MEGF10: variants seen among roughly 807,000 people sequenced by gnomAD.
MEGF10 encodes multiple epidermal growth factor-like domains protein 10.
Under a neutral mutation model 147.5 loss-of-function variants are expected in MEGF10, and 86 were observed. The ratio of observed to expected loss-of-function variants is 0.58; its 90% CI spans 0.49 to 0.70. The LOEUF (loss-of-function observed/expected upper bound fraction) is 0.70, where lower values mean the gene tolerates loss of function less well. MEGF10 is among the 30% of genes least tolerant of loss of function. MEGF10 has a pLI of 0.00. For missense variants in MEGF10, 1,329 were observed against 1,487.3 expected (o/e 0.89, Z 1.75); for synonymous variants, 478 against 525.5 (o/e 0.91, Z 1.24).
chr5:127,370,772 C>T (rs138169909), intron 5 of MEGF10, among the ~76,000 whole-genome samples: 461 of 152,286 alleles, frequency 3.0e-3, no homozygotes, highest in Admixed American at 5.0e-3. Context: ...TTGCTGTACA[C>T]GTAATTGCAT....
At chr5:127,283,975 C>T in the MEGF10 span, among the ~76,000 whole-genome samples, 1 of 152,156 alleles carries the variant, frequency 6.6e-6, no homozygotes, top group Admixed American at 6.5e-5. Context: ...AGTAAGAATA[C>T]TAGGATTGCC....
At chr5:127,384,586 A>G (rs1187722961) in intron 5 of MEGF10, among the ~76,000 whole-genome samples, 1 of 152,208 alleles carries the variant, frequency 6.6e-6, no homozygotes, top group Non-Finnish European at 1.5e-5. Context: ...TCTGGTTCAT[A>G]ATTTGAGATA....
the MEGF10 span, among the ~76,000 whole-genome samples, chr5:127,250,907 C>A: frequency 6.6e-3 from 1,004 of 151,638 alleles, 12 homozygotes; most frequent in African/African-American, 0.023. Flanking sequence ...AACCTATTTA[C>A]AATAATAATA....
At chr5:127,338,491 T>A (rs915102971) in intron 2 of MEGF10, among the ~76,000 whole-genome samples, 1 of 152,136 alleles carries the variant, frequency 6.6e-6, no homozygotes, top group Non-Finnish European at 1.5e-5. Flanking sequence ...ACTATTTAAG[T>A]AGTAGCAAGC....
the MEGF10 span, among the ~76,000 whole-genome samples, chr5:127,247,483 A>T: frequency 1.3e-5 from 2 of 150,094 alleles, no homozygotes; most frequent in Admixed American, 6.7e-5. Flanking sequence ...GAAGAAGAAG[A>T]AGAAAAATTT....
chr5:127,268,454 T>C, the MEGF10 span, among the ~76,000 whole-genome samples: 42 of 152,128 alleles, frequency 2.8e-4, no homozygotes, highest in African/African-American at 9.4e-4. Context: ...TAGAGCTGAG[T>C]TCAATTCCTG....
At position 127,331,273 on chromosome 5, in the gene MEGF10, A is replaced by G. The variant is rs747498843; in HGVS notation, c.-18-18A>G. The G allele has an allele frequency of 1.5e-6, 2 of 1,335,976 alleles. No homozygotes were observed. The highest frequency in any genetic ancestry group is 2.4e-5 in the South Asian group (2 of 83,860). The allele number at this position is 1,335,976 out of a possible 1,614,324, so 82.8% of individuals were successfully genotyped here. A position where few individuals can be genotyped will look rare whatever the true frequency, so the allele number is the denominator to read the frequency against. On this transcript the variant is annotated intron_variant, in intron 1 of 24. Transcript: ENST00000503335. ...TCATTTCAATGCATTTCTAATTGGG[A>G]TTTTTTCTTTCTTGTAGGTTGTTCT...
At chr5:127,259,534 T>C in the MEGF10 span, among the ~76,000 whole-genome samples, 1 of 152,198 alleles carries the variant, frequency 6.6e-6, no homozygotes, top group Non-Finnish European at 1.5e-5. Flanking sequence ...TATCCTGCTG[T>C]TGTGATATCC....
intron 5 of MEGF10, among the ~76,000 whole-genome samples, chr5:127,377,855 C>G (rs574629202): frequency 6.6e-6 from 1 of 152,104 alleles, no homozygotes; most frequent in African/African-American, 2.4e-5. Context: ...GAATTACTTT[C>G]GAAATCAGGT....
the MEGF10 span, among the ~76,000 whole-genome samples, chr5:127,256,794 G>C: frequency 6.6e-3 from 1,007 of 152,214 alleles, 12 homozygotes; most frequent in African/African-American, 0.023. Context: ...GTAGAAGAGG[G>C]AAAGCTTCCC....
intron 4 of MEGF10, among the ~76,000 whole-genome samples, chr5:127,346,386 T>A (rs1202516139): frequency 2.0e-5 from 3 of 152,212 alleles, no homozygotes; most frequent in Non-Finnish European, 4.4e-5. Flanking sequence ...TTGAATTTTT[T>A]AATTATGGCC....
intron 4 of MEGF10, among the ~76,000 whole-genome samples, chr5:127,368,606 T>C (rs1762738465): frequency 6.6e-6 from 1 of 152,190 alleles, no homozygotes; most frequent in Non-Finnish European, 1.5e-5. Context: ...CTTATTTCAT[T>C]TGTTTCTCTT....
chr5:127,457,053 A>G, intron 24 of MEGF10, 75 bp from the exon 25 acceptor site: 1 of 1,412,334 alleles, frequency 7.1e-7, no homozygotes, highest in Non-Finnish European at 9.5e-7. Context: ...TGTGTTTGAC[A>G]TTTGCAAGAA....
At chr5:127,406,208 C>T (rs1028476986) in intron 8 of MEGF10, among the ~76,000 whole-genome samples, 9 of 152,102 alleles carry the variant, frequency 5.9e-5, no homozygotes, top group Non-Finnish European at 1.0e-4. Flanking sequence ...GAGCTTATAC[C>T]TATTTCATCT....
At chr5:127,419,382 A>G (rs1462448471) in intron 11 of MEGF10, 142 bp downstream of exon 11, 1 of 984,514 alleles carries the variant, frequency 1.0e-6, no homozygotes, top group East Asian at 2.5e-5. Flanking sequence ...CTCATCCAGT[A>G]TGGGCTGGAA....
intron 8 of MEGF10, among the ~76,000 whole-genome samples, chr5:127,407,293 G>A (rs184018967): frequency 5.7e-4 from 87 of 152,266 alleles, no homozygotes; most frequent in Non-Finnish European, 2.6e-4. Flanking sequence ...TCATGGTTTG[G>A]CCTAACTATT....
At chr5:127,321,976 G>T (rs1760803348) in intron 1 of MEGF10, among the ~76,000 whole-genome samples, 1 of 151,006 alleles carries the variant, frequency 6.6e-6, no homozygotes, top group African/African-American at 2.4e-5. Flanking sequence ...GCCTTCTTTT[G>T]TCATTTATTC....
chr5:127,431,448 C>G (rs1019642091), intron 13 of MEGF10, among the ~76,000 whole-genome samples: 3 of 152,188 alleles, frequency 2.0e-5, no homozygotes, highest in Non-Finnish European at 4.4e-5. Flanking sequence ...ACTAAGTCAT[C>G]ATAAATGGCT....
chr5:127,450,295 T>G (rs1933193068), intron 22 of MEGF10, among the ~76,000 whole-genome samples: 1 of 152,232 alleles, frequency 6.6e-6, no homozygotes, highest in Non-Finnish European at 1.5e-5. Context: ...GCAGGAGGAT[T>G]GCTTGAGCCC....
Sources: gnomAD v4.1 joint callset for allele counts (sites outside exome capture counted in the v4.1 genomes callset) on GRCh38, gnomAD v4.1.1 for gene constraint, MANE v1.5 for transcripts, NCBI Gene and HGNC (gene_info 2026-07-23, HGNC 2026-07-21) for gene names.